Variants in ZFHX4 observed in about 807,000 individuals in gnomAD.
ZFHX4 encodes zinc finger homeobox 4.
A neutral mutation model predicts 267.6 loss-of-function variants in ZFHX4; 56 were observed. The observed-to-expected ratio is 0.21, with a 90% CI of 0.17 to 0.26. ZFHX4 has a LOEUF of 0.26. Among genes scored for constraint, ZFHX4 ranks in the 10% least tolerant of loss-of-function variants. The pLI is 1.00. For missense variants in ZFHX4, 4,332 were observed against 4,420.0 expected, an observed-to-expected ratio of 0.98 and a Z score of 0.56; for synonymous variants, 1,778 against 1,665.6, an observed-to-expected ratio of 1.07 and a Z score of -1.64.
At chr8:76,746,315 G>A (rs956450127) in intron 3 of ZFHX4, among the ~76,000 whole-genome samples, 1 of 152,152 alleles carries the variant, frequency 6.6e-6, no homozygotes, top group Admixed American at 6.5e-5. Context: ...TGTGGTGGGA[G>A]GATGGCCTGA....
chr8:76,846,030 C>A (rs1053947643), intron 6 of ZFHX4, among the ~76,000 whole-genome samples: 79 of 152,052 alleles, frequency 5.2e-4, no homozygotes, highest in African/African-American at 1.9e-3. Context: ...TATAAGCAAT[C>A]ATAAAACTTA....
chr8:76,768,587 T>C (rs532352364), intron 3 of ZFHX4, among the ~76,000 whole-genome samples: 1 of 152,266 alleles, frequency 6.6e-6, no homozygotes, highest in East Asian at 1.9e-4. Context: ...CACCCATGTG[T>C]CTGTCTTGTA....
rs116776291 is a variant in ZFHX4 at position 76,849,487 on chromosome 8, G to A, written c.3646-25G>A. The A allele has an allele frequency of 2.2e-3, 3,452 of 1,581,324 alleles. 50 individuals are homozygous for A. In the African/African-American group the frequency reaches 0.033, roughly 15 times the overall value. On this transcript the variant is annotated intron_variant, in intron 7 of 10. Coordinates refer to ENST00000651372, the MANE Select transcript of ZFHX4 (RefSeq NM_024721.5). ...ATAAGAAATGCATTAACTAATAGTG[G>A]CCATGTTTATTCAATATTTTCCAGT...
In ZFHX4 at chr8:76,720,384, G is replaced by A. The variant is rs574998509; in HGVS notation, c.3093+12336G>A. ...TTATTACCAAATTTTCATTGCATAG[G>A]TATAGTACACTTTATTTATACCCCA... On this transcript the variant is annotated intron_variant, in intron 3 of 10. Coordinates refer to ENST00000651372, the MANE Select transcript of ZFHX4 (RefSeq NM_024721.5). Among the ~76,000 whole-genome samples, 40 of 152,170 alleles carry A rather than the reference G, an allele frequency of 2.6e-4. No individual in the cohort carries two copies. In the South Asian group the frequency reaches 4.3e-3, roughly 17 times the overall value.
intron 4 of ZFHX4, among the ~76,000 whole-genome samples, chr8:76,808,581 C>T (rs1455259208): frequency 6.6e-6 from 1 of 152,104 alleles, no homozygotes; most frequent in Non-Finnish European, 1.5e-5. Flanking sequence ...TTTATTTTCT[C>T]TTGAATGGAT....
chr8:76,851,742 A>G lies in ZFHX4; in HGVS notation c.4821A>G (p.Thr1607=), dbSNP rs919597221. 7.4e-6 allele frequency: 12 copies of G among 1,613,990 alleles called. No individual in the cohort carries two copies. Among genetic ancestry groups the G allele is most frequent in the Non-Finnish European group, 1.0e-5 (12 of 1,179,884 alleles). Residue 1607 remains threonine, a synonymous_variant, in exon 10 of 11, where the codon ACA becomes ACG. Coordinates refer to ENST00000651372, the MANE Select transcript of ZFHX4 (RefSeq NM_024721.5). ...ATGTTGCATACAGCCAAAGCTCAAC[A>G]TTGGAAATCCACATGAGGTCTGTGC... ...ICNVAYSQSS[T]LEIHMRSVLH...
intron 3 of ZFHX4, among the ~76,000 whole-genome samples, chr8:76,756,069 A>G (rs1211893324): frequency 1.3e-5 from 2 of 152,226 alleles, no homozygotes; most frequent in Non-Finnish European, 2.9e-5. Context: ...AAATCATCAA[A>G]GAAGAATCTT....
chr8:76,707,557 C>G lies in ZFHX4; in HGVS notation c.2602C>G (p.Leu868Val), dbSNP rs767814956. The G allele has an allele frequency of 1.9e-6, 3 of 1,579,398 alleles. No homozygotes were observed. In the Admixed American group the frequency reaches 5.4e-5, roughly 28 times the overall value. ...ALAPGLVNNE[L>V]PPEIRLASGQ... ...TTTTTTTCCTGTAGTAAATAATGAG[C>G]TGCCGCCTGAAATCCGGCTTGCCAG... is the stretch of plus-strand genomic sequence containing the variant. The change falls in exon 3 of 11, where the codon CTG (leucine) becomes GTG (valine). Residue 868 changes from leucine (L) to valine (V), a missense_variant. Physicochemically the swap from Leu to Val is conservative, Grantham distance 32 (BLOSUM62 1). Around this residue, in one of 7 missense-constraint regions of ZFHX4, gnomAD observed 1,195 missense variants for 1,173.6 expected, o/e 1.02. Transcript: ENST00000651372.
At chr8:76,832,766 G>T (rs1563547484) in intron 4 of ZFHX4, among the ~76,000 whole-genome samples, 4 of 152,124 alleles carry the variant, frequency 2.6e-5, no homozygotes, top group Admixed American at 1.3e-4. Flanking sequence ...ACTTGTGTTT[G>T]GTGTTGAGTT....
Position 76,704,352 on chromosome 8 carries a change from T to G in ZFHX4, c.264T>G (p.Ser88=). ...TACCCTGCAACGAATGTGCCACTTC[T>G]TTTCCCAGTTTACAGAAATACATGG... ...KEIPCNECAT[S]FPSLQKYMEH... is the part of the protein sequence containing the mutation. Residue 88 remains serine, a synonymous_variant, in exon 2 of 11, where the codon TCT becomes TCG. Transcript: ENST00000651372. 1 of 1,613,970 alleles carries G rather than the reference T, an allele frequency of 6.2e-7. No individual in the cohort carries two copies. Among genetic ancestry groups the G allele is most frequent in the Non-Finnish European group, 8.5e-7 (1 of 1,179,880 alleles).
Position 76,707,762 on chromosome 8 carries a change from G to T in ZFHX4, c.2807G>T (p.Arg936Met). 1.2e-6 allele frequency: 2 copies of T among 1,613,964 alleles called. No individual in the cohort carries two copies. The highest frequency in any genetic ancestry group is 1.7e-6 in the Non-Finnish European group (2 of 1,179,904). The change falls in exon 3 of 11, where the codon AGG (arginine) becomes ATG (methionine). Residue 936 changes from arginine (R) to methionine (M), a missense_variant. Arg to Met is a moderately conservative substitution (Grantham distance 91). This residue lies in a region of ZFHX4 where 1,195 missense variants were observed against 1,173.6 expected (regional missense o/e 1.02). Transcript: ENST00000651372. Reference sequence around the variant, plus strand: ...CGCTCTCTCCCTGAAGAGGAATGGAGGGCAGTAATTGGAGATATCTACCAG... The same window carrying T: ...CGCTCTCTCCCTGAAGAGGAATGGATGGCAGTAATTGGAGATATCTACCAG... ...SERSLPEEEW[R>M]AVIGDIYQCK... is the part of the protein sequence containing the mutation.
At chr8:76,822,892 A>G (rs1243315360) in intron 4 of ZFHX4, among the ~76,000 whole-genome samples, 2 of 152,070 alleles carry the variant, frequency 1.3e-5, no homozygotes, top group Admixed American at 1.3e-4. Context: ...GGTTAGTAAC[A>G]TTTTCAAATA....
At chr8:76,800,423 A>G (rs1405919131) in intron 4 of ZFHX4, among the ~76,000 whole-genome samples, 1 of 152,160 alleles carries the variant, frequency 6.6e-6, no homozygotes, top group Non-Finnish European at 1.5e-5. Flanking sequence ...GAGCGAACTG[A>G]AAGGTTCATT....
intron 3 of ZFHX4, among the ~76,000 whole-genome samples, chr8:76,723,649 G>T (rs1433975852): frequency 6.6e-6 from 1 of 151,642 alleles, no homozygotes; most frequent in Non-Finnish European, 1.5e-5. Flanking sequence ...TAAGGATATG[G>T]TGTCAAGCAG....
intron 4 of ZFHX4, among the ~76,000 whole-genome samples, chr8:76,791,587 G>A (rs1335492360): frequency 1.3e-5 from 2 of 152,022 alleles, no homozygotes; most frequent in African/African-American, 4.8e-5. Context: ...CCTGTACAAA[G>A]TACTGAACTT....
intron 1 of ZFHX4, among the ~76,000 whole-genome samples, chr8:76,699,613 A>G (rs1808049646): frequency 6.6e-6 from 1 of 152,062 alleles, no homozygotes; most frequent in Non-Finnish European, 1.5e-5. Context: ...CTTGGTTAGC[A>G]CACCACACCC....
At chr8:76,743,281 A>G (rs1229815603) in intron 3 of ZFHX4, among the ~76,000 whole-genome samples, 1 of 152,160 alleles carries the variant, frequency 6.6e-6, no homozygotes, top group African/African-American at 2.4e-5. Context: ...GAAACTGATA[A>G]GCTACCATCA....
chr8:76,841,453 GTAATTTTCAGT>G (rs1035040142), intron 5 of ZFHX4, among the ~76,000 whole-genome samples: 3 of 152,114 alleles, frequency 2.0e-5, no homozygotes, highest in African/African-American at 4.8e-5. Context: ...TATTCAGTGT[GTAATTTTCAGT>G]TAATGCTTGA....
intron 3 of ZFHX4, among the ~76,000 whole-genome samples, chr8:76,719,869 G>A (rs1352519881): frequency 6.6e-6 from 1 of 152,122 alleles, no homozygotes; most frequent in Non-Finnish European, 1.5e-5. Flanking sequence ...AAAGTTTTAA[G>A]AAAGCAGTTC....
Sources: allele counts gnomAD v4.1 joint callset (sites outside exome capture counted in the v4.1 genomes callset), GRCh38; gene constraint gnomAD v4.1.1; regional missense constraint gnomAD v4.1.1; transcripts MANE v1.5; gene names NCBI Gene and HGNC (gene_info 2026-07-23, HGNC 2026-07-21).